The following ARHGAP15 variants were observed in gnomAD, a reference collection of about 807,000 sequenced individuals.
ARHGAP15 encodes Rho GTPase activating protein 15.
A neutral mutation model predicts 63.7 loss-of-function variants in ARHGAP15; 51 were observed. That is an observed-to-expected ratio of 0.80 (90% CI 0.64 to 1.01). ARHGAP15 has a LOEUF of 1.01. Among genes scored for constraint, ARHGAP15 ranks in the 50% least tolerant of loss-of-function variants. ARHGAP15 has a pLI of 0.00. For missense variants in ARHGAP15, 560 were observed against 564.6 expected (o/e 0.99, Z 0.08); for synonymous variants, 191 against 193.8 (o/e 0.99, Z 0.12).
intron 13 of ARHGAP15, among the ~76,000 whole-genome samples, chr2:143,707,896 G>A (rs1239089597): frequency 6.6e-6 from 1 of 152,146 alleles, no homozygotes; most frequent in African/African-American, 2.4e-5. Context: ...AAATATGGGG[G>A]AAAAAGTTGT....
intron 6 of ARHGAP15, among the ~76,000 whole-genome samples, chr2:143,357,067 C>A (rs771411104): frequency 1.8e-4 from 27 of 152,208 alleles, no homozygotes; most frequent in South Asian, 4.2e-4. Flanking sequence ...TTTTTCATCA[C>A]CACACCTGAA....
At chr2:143,135,567 A>G (rs1000183251) in intron 1 of ARHGAP15, among the ~76,000 whole-genome samples, 2 of 152,244 alleles carry the variant, frequency 1.3e-5, no homozygotes, top group African/African-American at 4.8e-5. Flanking sequence ...ATATTATAGA[A>G]TATACCATTG....
At chr2:143,346,629 A>G (rs1685313451) in intron 6 of ARHGAP15, among the ~76,000 whole-genome samples, 1 of 152,134 alleles carries the variant, frequency 6.6e-6, no homozygotes, top group South Asian at 2.1e-4. Context: ...CAGCAGATCA[A>G]AAAGAGGAGA....
chr2:143,271,419 A>G (rs1444095398), intron 6 of ARHGAP15, among the ~76,000 whole-genome samples: 1 of 152,198 alleles, frequency 6.6e-6, no homozygotes, highest in Non-Finnish European at 1.5e-5. Context: ...CTTCTCTTCT[A>G]ACTTGTGGAC....
intron 8 of ARHGAP15, among the ~76,000 whole-genome samples, chr2:143,452,363 A>C (rs981715785): frequency 2.0e-5 from 3 of 151,964 alleles, no homozygotes; most frequent in Non-Finnish European, 4.4e-5. Flanking sequence ...TTAAATATTT[A>C]GGATGTGGAA....
At chr2:143,741,158 TG>T (rs1232972788) in intron 13 of ARHGAP15, 2 of 152,240 alleles carry the variant, frequency 1.3e-5, no homozygotes, top group Non-Finnish European at 2.9e-5. Flanking sequence ...GACAGACACT[TG>T]GGCCTTGGCT....
At chr2:143,726,951 T>C (rs568820375) in intron 13 of ARHGAP15, among the ~76,000 whole-genome samples, 10 of 152,198 alleles carry the variant, frequency 6.6e-5, no homozygotes, top group Middle Eastern at 3.2e-3. Flanking sequence ...GGTCACTATA[T>C]AGATATATAA....
At chr2:143,283,715 G>A (rs1000424051) in intron 6 of ARHGAP15, among the ~76,000 whole-genome samples, 4 of 151,988 alleles carry the variant, frequency 2.6e-5, no homozygotes, top group South Asian at 4.1e-4. Flanking sequence ...ATTAAAAAAC[G>A]TCAATAAGTG....
At chr2:143,646,712 T>G (rs1452094691) in intron 12 of ARHGAP15, among the ~76,000 whole-genome samples, 1 of 152,046 alleles carries the variant, frequency 6.6e-6, no homozygotes, top group Non-Finnish European at 1.5e-5. Context: ...TTGTCTACCC[T>G]CATTTATCTA....
chr2:143,550,187 T>G (rs1574621271), intron 10 of ARHGAP15, among the ~76,000 whole-genome samples: 1 of 152,144 alleles, frequency 6.6e-6, no homozygotes, highest in Non-Finnish European at 1.5e-5. Context: ...ACCTGCAAAG[T>G]GTCAAGAATC....
At chr2:143,313,138 A>C (rs1427139244) in intron 6 of ARHGAP15, among the ~76,000 whole-genome samples, 4 of 152,164 alleles carry the variant, frequency 2.6e-5, no homozygotes, top group Admixed American at 2.6e-4. Context: ...AAAAAAGAAA[A>C]ATACTGACAA....
At chr2:143,458,364 G>A (rs1416442574) in intron 8 of ARHGAP15, among the ~76,000 whole-genome samples, 2 of 152,152 alleles carry the variant, frequency 1.3e-5, no homozygotes, top group East Asian at 3.8e-4. Flanking sequence ...CATCAGGATG[G>A]TCTGAAGGCA....
chr2:143,143,100 A>G (rs1336580369), intron 1 of ARHGAP15, among the ~76,000 whole-genome samples: 1 of 152,130 alleles, frequency 6.6e-6, no homozygotes, highest in Non-Finnish European at 1.5e-5. Flanking sequence ...CCTATTAGTT[A>G]TATCACATAT....
At chr2:143,572,556 A>T (rs1279693420) in intron 11 of ARHGAP15, among the ~76,000 whole-genome samples, 3 of 152,264 alleles carry the variant, frequency 2.0e-5, no homozygotes, top group African/African-American at 7.2e-5. Context: ...AAGGTAAGAG[A>T]CGTCATATAA....
intron 1 of ARHGAP15, among the ~76,000 whole-genome samples, chr2:143,133,974 T>G (rs1012635934): frequency 6.6e-6 from 1 of 152,210 alleles, no homozygotes; most frequent in African/African-American, 2.4e-5. Flanking sequence ...ATTCTCTTTT[T>G]TACAGCTGTA....
At chr2:143,748,375 T>A (rs1416077363) in intron 13 of ARHGAP15, among the ~76,000 whole-genome samples, 1 of 152,174 alleles carries the variant, frequency 6.6e-6, no homozygotes, top group African/African-American at 2.4e-5. Flanking sequence ...ATAACATTGA[T>A]AACTAAATCA....
In ARHGAP15 at chr2:143,149,812, T is replaced by C. The variant is rs573248110; in HGVS notation, c.-14-5665T>C. On this transcript the variant is annotated intron_variant, in intron 1 of 13. Transcript: ENST00000295095. ...CTACATACACTGGCATAAACTAGGT[T>C]CCATATTTGTTTTTCATTTATACAT... Among the ~76,000 whole-genome samples the C allele has an allele frequency of 2.8e-3, 427 of 152,146 alleles. 1 individual carries two copies. The highest frequency in any genetic ancestry group is 9.9e-3 in the African/African-American group (411 of 41,546).
At chr2:143,698,144 G>C (rs1683931504) in intron 12 of ARHGAP15, among the ~76,000 whole-genome samples, 1 of 152,120 alleles carries the variant, frequency 6.6e-6, no homozygotes. Context: ...CTTCCTCTGA[G>C]TGGACCTATA....
chr2:143,453,026 G>A (rs1198844703), intron 8 of ARHGAP15, among the ~76,000 whole-genome samples: 1 of 151,906 alleles, frequency 6.6e-6, no homozygotes, highest in African/African-American at 2.4e-5. Flanking sequence ...TATAGATATG[G>A]TAAATACTTT....
Sources: allele counts gnomAD v4.1 joint callset (sites outside exome capture counted in the v4.1 genomes callset), GRCh38; gene constraint gnomAD v4.1.1; transcripts MANE v1.5; gene names NCBI Gene and HGNC (gene_info 2026-07-23, HGNC 2026-07-21).